Variants in CSNK1G2 observed in about 807,000 individuals in gnomAD.
The protein encoded by CSNK1G2 is casein kinase 1 gamma 2.
Under a neutral mutation model 48.0 loss-of-function variants are expected in CSNK1G2, and 11 were observed. The observed-to-expected ratio is 0.23, with a 90% CI of 0.14 to 0.38. The LOEUF is 0.38. CSNK1G2 is among the 10% of genes least tolerant of loss of function. The probability of loss-of-function intolerance (pLI) is 1.00; values close to 1 mark genes in which losing one functional copy is unlikely to be tolerated. For missense variants in CSNK1G2, 446 were observed against 595.5 expected (o/e 0.75, Z 2.61); for synonymous variants, 337 against 254.1 (o/e 1.33, Z -3.10).
intron 1 of CSNK1G2, among the ~76,000 whole-genome samples, chr19:1,964,589 C>T (rs969091593): frequency 3.3e-5 from 5 of 152,076 alleles, no homozygotes; most frequent in South Asian, 2.1e-4. Context: ...CTAGGGCCCA[C>T]GAGAATTATG....
At position 1,953,465 on chromosome 19, in the gene CSNK1G2, AG is replaced by A. The variant is rs1487394923; in HGVS notation, c.-266+12049del. 3 of 534,422 alleles carry A rather than the reference AG, an allele frequency of 5.6e-6. No individual in the cohort carries two copies. In the East Asian group the frequency reaches 1.6e-4, roughly 29 times the overall value. 33.1% of individuals were successfully genotyped at this position (534,422 alleles called of 1,614,324 possible). The stretch of plus-strand genomic sequence containing the variant: ...ACTTTGCTTTTGTTGATGGCGTCTG[AG>A]GCTCTGGAGTCCATGGCAGCCTTGC... On this transcript the variant is annotated intron_variant, in intron 1 of 11. Transcript: ENST00000255641.
chr19:1,965,787 C>G (rs1053421021), intron 1 of CSNK1G2, among the ~76,000 whole-genome samples: 1 of 152,118 alleles, frequency 6.6e-6, no homozygotes, highest in Non-Finnish European at 1.5e-5. Flanking sequence ...GCCTGAGCCA[C>G]TGTGCCTGGC....
chr19:1,963,717 G>T (rs1023482412), intron 1 of CSNK1G2, among the ~76,000 whole-genome samples: 2 of 147,666 alleles, frequency 1.4e-5, no homozygotes, highest in African/African-American at 5.0e-5. Context: ...CATGTTGGCC[G>T]TGCTGGTCTT....
chr19:1,975,590 C>T (rs1051599094), intron 2 of CSNK1G2: 15 of 985,246 alleles, frequency 1.5e-5, no homozygotes, highest in African/African-American at 3.5e-5. Context: ...GCCTTTTGGG[C>T]GGGGAAGGGG....
At chr19:1,948,521 CAAAAAAA>C (rs72007357) in intron 1 of CSNK1G2, among the ~76,000 whole-genome samples, 1 of 87,088 alleles carries the variant, frequency 1.1e-5, no homozygotes, top group Non-Finnish European at 2.1e-5. Context: ...GACTCCGTCT[CAAAAAAA>C]AAAAAAAAAA....
At chr19:1,954,090 C>G (rs1311533666) in intron 1 of CSNK1G2, 2 of 489,114 alleles carry the variant, frequency 4.1e-6, no homozygotes, top group African/African-American at 4.0e-5. Context: ...TCCCTCCTCT[C>G]CCTGATTTGT....
intron 1 of CSNK1G2, chr19:1,953,737 G>C: frequency 2.4e-6 from 1 of 408,346 alleles, no homozygotes; most frequent in Non-Finnish European, 5.1e-6. Flanking sequence ...CCCCCAACAG[G>C]GTCTGGTCCC....
At chr19:1,943,200 A>G (rs2014432827) in intron 1 of CSNK1G2, among the ~76,000 whole-genome samples, 3 of 152,112 alleles carry the variant, frequency 2.0e-5, no homozygotes, top group Admixed American at 1.3e-4. Flanking sequence ...GTGGGAGGCG[A>G]AACCCCAAGT....
At chr19:1,976,354 C>A (rs1289137434) in intron 2 of CSNK1G2, among the ~76,000 whole-genome samples, 4 of 152,156 alleles carry the variant, frequency 2.6e-5, no homozygotes, top group Non-Finnish European at 5.9e-5. Context: ...TGCAGGGAGG[C>A]ACCTGGTCTT....
At position 1,957,786 on chromosome 19, in the gene CSNK1G2, C is replaced by T. The variant is rs994567341; in HGVS notation, c.-265-11722C>T. ...ACTGGGGTGTGTGCTCGGTGGGTGC[C>T]GTGTGTGGGGGGTATGTGCTCGGCG... is the stretch of plus-strand genomic sequence containing the variant. On this transcript the variant is annotated intron_variant, in intron 1 of 11. Coordinates refer to ENST00000255641, the MANE Select transcript of CSNK1G2 (RefSeq NM_001319.7). The surrounding 1 kb of genome is among the most constrained non-coding windows in gnomAD (Gnocchi z 5.4). Among the ~76,000 whole-genome samples the T allele has an allele frequency of 2.7e-5, 4 of 149,504 alleles. No individual in the cohort carries two copies. Among genetic ancestry groups the T allele is most frequent in the African/African-American group, 7.4e-5 (3 of 40,380 alleles).
chr19:1,962,911 G>A (rs527564014), intron 1 of CSNK1G2, among the ~76,000 whole-genome samples: 46 of 152,326 alleles, frequency 3.0e-4, no homozygotes, highest in African/African-American at 9.4e-4. Flanking sequence ...GCAGCCGGAC[G>A]GTGGCTACAA....
At chr19:1,979,424 C>CCCCCCGGGGGGGGGGG in intron 8 of CSNK1G2, 21 bp downstream of exon 8, 1 of 1,538,540 alleles carries the variant, frequency 6.5e-7, no homozygotes, top group Non-Finnish European at 8.8e-7. Context: ...CCTGCGCCCC[C>CCCCCCGGGGGGGGGGG]GCCCTGTGCC....
At chr19:1,955,363 A>T (rs1212467082) in intron 1 of CSNK1G2, among the ~76,000 whole-genome samples, 1 of 151,916 alleles carries the variant, frequency 6.6e-6, no homozygotes, top group African/African-American at 2.4e-5. Flanking sequence ...GCCACTCCTG[A>T]GGTGGGGGAT....
rs1438739114 is a variant in CSNK1G2 at position 1,950,614 on chromosome 19, T to C, written c.-266+9196T>C. Among the ~76,000 whole-genome samples, 2 of 145,994 alleles carry C rather than the reference T, an allele frequency of 1.4e-5. 1 individual carries two copies. Among genetic ancestry groups the C allele is most frequent in the East Asian group, 4.2e-4 (2 of 4,752 alleles). On this transcript the variant is annotated intron_variant, in intron 1 of 11. Coordinates refer to ENST00000255641, the MANE Select transcript of CSNK1G2 (RefSeq NM_001319.7). ...TCTGGGAGACAGGAGGGGGTGCACT[T>C]AGAAACAGCCAAGGCCTCCTTCCAT...
At chr19:1,977,750 C>CAA (rs758107982) in intron 2 of CSNK1G2, among the ~76,000 whole-genome samples, 1,961 of 82,726 alleles carry the variant, frequency 0.024, 46 homozygotes, top group Non-Finnish European at 0.034. Flanking sequence ...GACACCGTCT[C>CAA]AAAAAAAAAA....
intron 1 of CSNK1G2, among the ~76,000 whole-genome samples, chr19:1,959,747 G>A (rs191553700): frequency 0.064 from 3,744 of 58,388 alleles, 266 homozygotes; most frequent in East Asian, 0.094. Context: ...GCCACCTTTA[G>A]TGCCACCGTG....
At chr19:1,944,697 TGG>T (rs71174397) in intron 1 of CSNK1G2, among the ~76,000 whole-genome samples, 4 of 143,946 alleles carry the variant, frequency 2.8e-5, no homozygotes, top group Non-Finnish European at 6.0e-5. Context: ...CCTGGCTGGG[TGG>T]GGGGGGGTAC....
At chr19:1,964,424 C>T (rs560667699) in intron 1 of CSNK1G2, among the ~76,000 whole-genome samples, 13 of 152,264 alleles carry the variant, frequency 8.5e-5, no homozygotes, top group African/African-American at 2.9e-4. Context: ...AAGAAACAGC[C>T]TTCTGGAAGA....
chr19:1,955,492 TCCGCGGGGTGGGCGTGTGCCAGGGTGAGG>T (rs2014954569), intron 1 of CSNK1G2, among the ~76,000 whole-genome samples: 2 of 147,244 alleles, frequency 1.4e-5, no homozygotes, highest in Non-Finnish European at 3.0e-5. Flanking sequence ...GAGGCGAGGC[TCCGCGGGGTGGGCGTGTGCCAGGGTGAGG>T]CTCCGCGGGG....
Sources: gnomAD v4.1 joint callset for allele counts (sites outside exome capture counted in the v4.1 genomes callset) on GRCh38, gnomAD v4.1.1 for gene constraint, Gnocchi (gnomAD v3.1) non-coding constraint, MANE v1.5 for transcripts, NCBI Gene and HGNC (gene_info 2026-07-23, HGNC 2026-07-21) for gene names.